The following GCSAML variants were observed in gnomAD, a reference collection of about 807,000 sequenced individuals.
The protein encoded by GCSAML is germinal center-associated signaling and motility-like protein.
A neutral mutation model predicts 13.0 loss-of-function variants in GCSAML; 9 were observed. The observed-to-expected ratio is 0.69, with a 90% confidence interval of 0.42 to 1.21. GCSAML has a LOEUF of 1.21. Among genes scored for constraint, GCSAML ranks in the 50% most tolerant of loss-of-function variants. GCSAML has a pLI of 0.00. For missense variants in GCSAML, 143 were observed against 153.4 expected, an observed-to-expected ratio of 0.93 and a Z score of 0.36; for synonymous variants, 37 against 52.9, an observed-to-expected ratio of 0.70 and a Z score of 1.31.
At chr1:247,572,738 G>A (rs1234900390) in intron 4 of GCSAML, among the ~76,000 whole-genome samples, 1 of 152,240 alleles carries the variant, frequency 6.6e-6, no homozygotes, top group African/African-American at 2.4e-5. Flanking sequence ...CACTGTGCTG[G>A]GAGATCTGCT....
chr1:247,567,615 G>C (rs1668436407), intron 4 of GCSAML, among the ~76,000 whole-genome samples: 1 of 152,106 alleles, frequency 6.6e-6, no homozygotes. Context: ...CTTTGCTATT[G>C]TGAATAGTGC....
At chr1:247,519,984 T>G (rs1666357207) in intron 1 of GCSAML, among the ~76,000 whole-genome samples, 1 of 152,206 alleles carries the variant, frequency 6.6e-6, no homozygotes, top group African/African-American at 2.4e-5. Context: ...AAATGAAACT[T>G]TTTTCAACTC....
At chr1:247,559,278 TG>T (rs1344482535) in intron 2 of GCSAML, among the ~76,000 whole-genome samples, 1 of 152,252 alleles carries the variant, frequency 6.6e-6, no homozygotes, top group Non-Finnish European at 1.5e-5. Flanking sequence ...TTCTCCTGCT[TG>T]TTATTAGCTG....
intron 2 of GCSAML, chr1:247,529,354 C>G (rs1204693917): frequency 6.6e-5 from 10 of 152,272 alleles, no homozygotes; most frequent in Non-Finnish European, 1.5e-4. Context: ...ATACTTCATA[C>G]CTCAATATTC....
chr1:247,527,214 G>C lies in GCSAML; in HGVS notation c.-148+160G>C, dbSNP rs1666716499. ...TGAGTTATGGTCATCATTCTCCTCTGTGCCAAACAGGGGCTGATGGATGGT... is the reference window on the plus strand; with the variant it reads ...TGAGTTATGGTCATCATTCTCCTCTCTGCCAAACAGGGGCTGATGGATGGT... On this transcript the variant is annotated intron_variant, in intron 2 of 5. Transcript: ENST00000366489. This position sits in a 1 kb window ranked among gnomAD's most constrained non-coding sequence, Gnocchi z 4.6. 1.5e-5 allele frequency: 6 copies of C among 388,272 alleles called. 1 individual carries two copies. The highest frequency in any genetic ancestry group is 9.8e-5 in the South Asian group (5 of 51,194). The allele number at this position is 388,272 out of a possible 1,614,324, so 24.1% of individuals were successfully genotyped here. A position where few individuals can be genotyped will look rare whatever the true frequency, so the allele number is the denominator to read the frequency against.
upstream of GCSAML, among the ~76,000 whole-genome samples, chr1:247,545,477 A>C (rs984077840): frequency 6.6e-6 from 1 of 152,364 alleles, no homozygotes; most frequent in African/African-American, 2.4e-5. Context: ...CAACAAAAAA[A>C]GAACTGGTTG....
chr1:247,543,799 A>ATTTTTTTTTTTTTTTTTTTTTTTTTTTTT (rs1265521616), intron 2 of GCSAML, among the ~76,000 whole-genome samples: 2 of 151,808 alleles, frequency 1.3e-5, no homozygotes, highest in Non-Finnish European at 2.9e-5. Context: ...TATTAAAAAA[A>ATTTTTTTTTTTTTTTTTTTTTTTTTTTTT]TTTTTTTAGA....
intron 2 of GCSAML, among the ~76,000 whole-genome samples, chr1:247,561,973 C>T (rs1668147826): frequency 6.6e-6 from 1 of 152,100 alleles, no homozygotes. Context: ...GAGAATGGAT[C>T]CCTCAGGCTT....
intron 2 of GCSAML, chr1:247,532,316 T>C: frequency 6.2e-7 from 1 of 1,614,150 alleles, no homozygotes; most frequent in Non-Finnish European, 8.5e-7. Context: ...AAGGGGAGGT[T>C]GGCAAGAAAG....
At chr1:247,524,319 C>G (rs991586887) in intron 1 of GCSAML, among the ~76,000 whole-genome samples, 1 of 152,156 alleles carries the variant, frequency 6.6e-6, no homozygotes, top group East Asian at 1.9e-4. Context: ...GTAGCCCTTC[C>G]TCTTCCAAAG....
intron 1 of GCSAML, among the ~76,000 whole-genome samples, chr1:247,553,752 C>A (rs952004714): frequency 1.3e-5 from 2 of 152,200 alleles, no homozygotes; most frequent in Non-Finnish European, 2.9e-5. Flanking sequence ...AGGCCTGCAC[C>A]ACTGCACCCA....
Position 247,575,630 on chromosome 1 carries a change from A to G in GCSAML, c.*1248A>G, listed in dbSNP as rs957725736. On this transcript the variant is annotated 3_prime_UTR_variant, in exon 5 of 5. Transcript: ENST00000366488. ...AAATTGAAAGTGTCACAAAATAAAA[A>G]AAGATGAAATGAAGCATATATAATT... 6.6e-6 allele frequency: 1 copy of G among 152,234 alleles called. No homozygotes were observed. Among genetic ancestry groups the G allele is most frequent in the East Asian group, 1.9e-4 (1 of 5,202 alleles). 9.4% of individuals were successfully genotyped at this position (152,234 alleles called of 1,614,324 possible).
rs575458425 is a variant in GCSAML at position 247,542,443 on chromosome 1, A to G, written c.-147-6602A>G. On this transcript the variant is annotated intron_variant, in intron 2 of 5. Coordinates refer to the GCSAML transcript ENST00000366489. ...AGGAAATAATTGCACAGAAAATCCC[A>G]AAGTGGATCATTCAGTTCTTGTAGG... Among the ~76,000 whole-genome samples, 6 of 152,364 alleles carry G rather than the reference A, an allele frequency of 3.9e-5. No individual in the cohort carries two copies. The South Asian group carries it at 8.3e-4, about 21-fold the overall frequency.
chr1:247,519,666 A>G lies in GCSAML; in HGVS notation c.-262-7274A>G, dbSNP rs145862329. ...GGATTAGAAAATTTCACAGAGGACT[A>G]TGCATGGTAGTGAGTCAGTTGTGTA... On this transcript the variant is annotated intron_variant, in intron 1 of 5. Transcript: ENST00000366489. Among the ~76,000 whole-genome samples, 179 of 152,376 alleles carry G rather than the reference A, an allele frequency of 1.2e-3. 1 individual carries two copies. The highest frequency in any genetic ancestry group is 4.1e-3 in the African/African-American group (170 of 41,590).
chr1:247,509,068 C>T (rs2103292885), intron 1 of GCSAML, among the ~76,000 whole-genome samples: 1 of 152,204 alleles, frequency 6.6e-6, no homozygotes, highest in Non-Finnish European at 1.5e-5. Flanking sequence ...ATGGGAATAG[C>T]ATTGAATTCT....
intron 1 of GCSAML, chr1:247,525,216 G>A (rs1319230547): frequency 6.6e-6 from 1 of 152,200 alleles, no homozygotes; most frequent in Non-Finnish European, 1.5e-5. Flanking sequence ...TAAAGGTGAT[G>A]GGGTTAAGCC....
rs1268315732 is a variant in GCSAML, at chr1:247,574,537, A to T, written c.*155A>T. On this transcript the variant is annotated 3_prime_UTR_variant, in exon 5 of 5. Coordinates refer to ENST00000366488, the MANE Select transcript of GCSAML (RefSeq NM_145278.5). ...TTATATATCCTTAGGCAACTCTGATATGTGGCATCTCTGTGGCTTAGGTGA... is the reference window on the plus strand; with the variant it reads ...TTATATATCCTTAGGCAACTCTGATTTGTGGCATCTCTGTGGCTTAGGTGA... The T allele has an allele frequency of 1.4e-6, 1 of 721,850 alleles. No homozygotes were observed. The highest frequency in any genetic ancestry group is 2.2e-6 in the Non-Finnish European group (1 of 450,044). The allele number at this position is 721,850 out of a possible 1,614,324, so 44.7% of individuals were successfully genotyped here.
chr1:247,548,979 C>T (rs997623905), upstream of GCSAML: 10 of 1,281,232 alleles, frequency 7.8e-6, no homozygotes, highest in Admixed American at 2.1e-5. The surrounding 1 kb of genome is among the most constrained non-coding windows in gnomAD (Gnocchi z 5.3). Context: ...GGCACACACA[C>T]GCACACTCAC....
At position 247,565,957 on chromosome 1, in the gene GCSAML, C is replaced by A. The variant is rs771747638; in HGVS notation, c.166C>A (p.Gln56Lys). ...KSQEVSSTSN[Q>K]ENENGSGSEE... is the part of the protein sequence containing the mutation. ...CCAAGAAGTTTCATCCACTTCTAAT[C>A]AGGTAAGTAGAAAACAAAAAGCAAG... Residue 56 changes from glutamine (Q) to lysine (K), a missense_variant and splice_region_variant, in exon 4 of 5, where the codon CAG (glutamine) becomes AAG (lysine). By Grantham distance (53) the Gln-to-Lys change is moderately conservative. Transcript: ENST00000366488. The A allele has an allele frequency of 2.6e-6, 4 of 1,541,554 alleles. No homozygotes were observed. The Admixed American group carries it at 8.9e-5, about 34-fold the overall frequency.
Sources: gnomAD v4.1 joint callset for allele counts (sites outside exome capture counted in the v4.1 genomes callset) on GRCh38, gnomAD v4.1.1 for gene constraint, Gnocchi (gnomAD v3.1) non-coding constraint, MANE v1.5 for transcripts, NCBI Gene and HGNC (gene_info 2026-07-23, HGNC 2026-07-21) for gene names.